The following LRRC8C variants were observed in gnomAD, a reference collection of about 807,000 sequenced individuals.
LRRC8C encodes leucine rich repeat containing 8 VRAC subunit C.
A neutral mutation model predicts 55.3 loss-of-function variants in LRRC8C; 20 were observed. The observed-to-expected ratio is 0.36, with a 90% CI of 0.25 to 0.53. LRRC8C has a LOEUF of 0.53. LRRC8C is among the 20% of genes least tolerant of loss of function. LRRC8C has a pLI of 0.92. For synonymous variants in LRRC8C, 376 were observed against 360.7 expected, an observed-to-expected ratio of 1.04 and a Z score of -0.48; for missense variants, 659 against 951.4, an observed-to-expected ratio of 0.69 and a Z score of 4.04.
At chr1:89,647,537 T>C (rs1217955755) in intron 1 of LRRC8C, among the ~76,000 whole-genome samples, 1 of 152,176 alleles carries the variant, frequency 6.6e-6, no homozygotes, top group Non-Finnish European at 1.5e-5. Context: ...AAGCATGAAA[T>C]TGACTTGCCG....
At chr1:89,656,406 G>A (rs1185331729) in intron 1 of LRRC8C, among the ~76,000 whole-genome samples, 1 of 152,112 alleles carries the variant, frequency 6.6e-6, no homozygotes, top group Non-Finnish European at 1.5e-5. Context: ...ATCATTATTG[G>A]TATTAGCTAT....
intron 1 of LRRC8C, among the ~76,000 whole-genome samples, chr1:89,656,700 C>T (rs1656952227): frequency 6.6e-6 from 1 of 152,140 alleles, no homozygotes; most frequent in Non-Finnish European, 1.5e-5. Context: ...CAAATGTTTT[C>T]AAGAGGACAC....
At chr1:89,683,279 C>T (rs1392131096) in intron 1 of LRRC8C, among the ~76,000 whole-genome samples, 1 of 151,902 alleles carries the variant, frequency 6.6e-6, no homozygotes, top group Non-Finnish European at 1.5e-5. Flanking sequence ...CATGATGTTA[C>T]AAAATCATGC....
intron 1 of LRRC8C, among the ~76,000 whole-genome samples, chr1:89,658,613 A>T (rs1657014030): frequency 6.6e-6 from 1 of 152,204 alleles, no homozygotes; most frequent in African/African-American, 2.4e-5. Context: ...ATCACCTATG[A>T]ACAGGATTTA....
chr1:89,615,873 A>T, the LRRC8C span, among the ~76,000 whole-genome samples: 1 of 152,208 alleles, frequency 6.6e-6, no homozygotes, highest in Non-Finnish European at 1.5e-5. Context: ...ATGCCAGATG[A>T]TTAAAACAGT....
At chr1:89,647,602 C>T (rs1176291219) in intron 1 of LRRC8C, among the ~76,000 whole-genome samples, 1 of 152,132 alleles carries the variant, frequency 6.6e-6, no homozygotes, top group African/African-American at 2.4e-5. Flanking sequence ...CTTTTACTCT[C>T]TGGGTACAAT....
At chr1:89,642,738 C>T (rs1403814547) in intron 1 of LRRC8C, among the ~76,000 whole-genome samples, 7 of 152,034 alleles carry the variant, frequency 4.6e-5, no homozygotes, top group African/African-American at 9.7e-5. Context: ...ATCCCGGCTA[C>T]GCGGGAGGCT....
chr1:89,704,229 G>A (rs1042559672), intron 2 of LRRC8C, among the ~76,000 whole-genome samples: 1 of 152,102 alleles, frequency 6.6e-6, no homozygotes, highest in African/African-American at 2.4e-5. Context: ...TTTAACCTCT[G>A]ATCTGTTCTA....
At position 89,676,998 on chromosome 1, in the gene LRRC8C, C is replaced by T. The variant is rs553861040; in HGVS notation, c.-4-9472C>T. On this transcript the variant is annotated intron_variant, in intron 1 of 2. Coordinates refer to ENST00000370454, the MANE Select transcript of LRRC8C (RefSeq NM_032270.5). ...CATAGATTTTTAGTGAATTCAAAGG[C>T]CTGTGGCTACAATAATATAGGTAAC... Among the ~76,000 whole-genome samples, 39 of 152,228 alleles carry T rather than the reference C, an allele frequency of 2.6e-4. No individual in the cohort carries two copies. The South Asian group carries it at 7.9e-3, about 31-fold the overall frequency.
chr1:89,683,015 G>A (rs1657764848), intron 1 of LRRC8C, among the ~76,000 whole-genome samples: 1 of 152,154 alleles, frequency 6.6e-6, no homozygotes, highest in African/African-American at 2.4e-5. Flanking sequence ...AACAACTAAA[G>A]TATTTGTTGA....
upstream of LRRC8C, among the ~76,000 whole-genome samples, chr1:89,628,910 A>G (rs1656039693): frequency 6.6e-6 from 1 of 152,204 alleles, no homozygotes. Flanking sequence ...TCAAGGGAGA[A>G]TAAGAGAGTG....
the LRRC8C span, among the ~76,000 whole-genome samples, chr1:89,621,232 G>A: frequency 6.6e-6 from 1 of 151,148 alleles, no homozygotes; most frequent in Non-Finnish European, 1.5e-5. Context: ...AGGCCAAGGC[G>A]GGCAGATCAT....
the LRRC8C span, among the ~76,000 whole-genome samples, chr1:89,617,950 C>T: frequency 9.2e-5 from 14 of 152,164 alleles, no homozygotes; most frequent in African/African-American, 2.9e-4. Flanking sequence ...ATGGACCCAA[C>T]GCACACACTC....
chr1:89,706,540 A>G (rs564977552), intron 2 of LRRC8C: 21 of 330,136 alleles, frequency 6.4e-5, no homozygotes, highest in African/African-American at 4.6e-4. Context: ...AAATATTATG[A>G]CTTAAAATAG....
At position 89,672,309 on chromosome 1, in the gene LRRC8C, A is replaced by G. The variant is rs115063771; in HGVS notation, c.-4-14161A>G. On this transcript the variant is annotated intron_variant, in intron 1 of 2. Coordinates refer to ENST00000370454, the MANE Select transcript of LRRC8C (RefSeq NM_032270.5). ...TCAGAGTGACCTACACTTCTACTTCATCATGCTTGTCACAATTGTGATTAA... is the reference window on the plus strand; with the variant it reads ...TCAGAGTGACCTACACTTCTACTTCGTCATGCTTGTCACAATTGTGATTAA... 3.3e-3 allele frequency among the ~76,000 whole-genome samples: 507 copies of G among 152,276 alleles called. 3 individuals carry two copies. The highest frequency in any genetic ancestry group is 0.012 in the African/African-American group (483 of 41,540).
At chr1:89,685,038 G>A (rs113407787) in intron 1 of LRRC8C, among the ~76,000 whole-genome samples, 6 of 150,454 alleles carry the variant, frequency 4.0e-5, no homozygotes, top group Admixed American at 2.0e-4. Flanking sequence ...TGTAATTGTT[G>A]CCAAAGCTGT....
At chr1:89,682,069 C>T (rs911723953) in intron 1 of LRRC8C, among the ~76,000 whole-genome samples, 22 of 152,098 alleles carry the variant, frequency 1.4e-4, no homozygotes, top group Non-Finnish European at 1.5e-5. Context: ...CCCAGCTGCT[C>T]AGGAGGCTGA....
At chr1:89,701,677 G>A (rs539643127) in intron 2 of LRRC8C, among the ~76,000 whole-genome samples, 10 of 152,050 alleles carry the variant, frequency 6.6e-5, no homozygotes, top group African/African-American at 1.4e-4. Context: ...AATTTGTCTC[G>A]ACTAATTTTT....
At chr1:89,667,011 G>C (rs1657284010) in intron 1 of LRRC8C, among the ~76,000 whole-genome samples, 1 of 152,078 alleles carries the variant, frequency 6.6e-6, no homozygotes, top group Admixed American at 6.6e-5. Flanking sequence ...TCTTGCTTTT[G>C]GTGAGTTGGT....
Sources: gnomAD v4.1 joint callset for allele counts (sites outside exome capture counted in the v4.1 genomes callset) on GRCh38, gnomAD v4.1.1 for gene constraint, MANE v1.5 for transcripts, NCBI Gene and HGNC (gene_info 2026-07-23, HGNC 2026-07-21) for gene names.